PBRM1: variants seen among roughly 807,000 people sequenced by gnomAD.
PBRM1 encodes polybromo 1, also known as protein polybromo-1.
PBRM1 carries 27 observed loss-of-function variants against 194.5 expected under a neutral mutation model. The ratio of observed to expected loss-of-function variants is 0.14; its 90% CI spans 0.10 to 0.19. The LOEUF is 0.19. Ranked by LOEUF, PBRM1 falls within the 10% of genes least tolerant of loss-of-function variation. The pLI is 1.00. For synonymous variants in PBRM1, 655 were observed against 693.2 expected (o/e 0.94, Z 0.87); for missense variants, 1,466 against 2,077.2 (o/e 0.71, Z 5.72).
At chr3:52,683,629 C>A (rs2097253148), upstream of PBRM1, among the ~76,000 whole-genome samples, 1 of 151,912 alleles carries the variant, frequency 6.6e-6, no homozygotes, top group Non-Finnish European at 1.5e-5. Flanking sequence ...GCCTGGCCAA[C>A]ACGGTGAAAC....
At chr3:52,548,030 A>G in exon 30 of PBRM1, 6 of 1,578,754 alleles carry the variant, frequency 3.8e-6, no homozygotes, top group Non-Finnish European at 5.2e-6. Context: ...ACAACTCTTT[A>G]TGCTTCTATA....
intron 20 of PBRM1, among the ~76,000 whole-genome samples, chr3:52,579,833 A>G (rs1467138152): frequency 6.6e-6 from 1 of 152,218 alleles, no homozygotes; most frequent in African/African-American, 2.4e-5. Flanking sequence ...GAGAGGATTT[A>G]TCGGTATTTA....
downstream of PBRM1, chr3:52,547,661 T>G (rs1024958380): frequency 1.3e-5 from 3 of 233,364 alleles, no homozygotes; most frequent in African/African-American, 6.6e-5. Flanking sequence ...TGTGTGTGTG[T>G]TTTTTTTCAT....
intron 22 of PBRM1, among the ~76,000 whole-genome samples, chr3:52,572,092 G>A (rs1217851281): frequency 1.5e-4 from 22 of 143,960 alleles, no homozygotes; most frequent in African/African-American, 5.8e-4. Flanking sequence ...TAGTTTATCT[G>A]AATATCTCTT....
rs898374482 is a variant in PBRM1 at position 52,579,206 on chromosome 3, T to C, written c.3388-7A>G. On this transcript the variant is annotated splice_polypyrimidine_tract_variant and splice_region_variant and intron_variant, in intron 20 of 29. Transcript: ENST00000296302. ...CAGGGACATCTTCTTTTTCCTGTTG[T>C]AAAGAAAACTGGCTGAAGAAAGGTA... The C allele has an allele frequency of 1.2e-6, 2 of 1,612,862 alleles. No individual in the cohort carries two copies. Among genetic ancestry groups the C allele is most frequent in the African/African-American group, 2.7e-5 (2 of 74,890 alleles).
In PBRM1 at chr3:52,609,711, A is replaced by G. The variant is rs752004006; in HGVS notation, c.2169T>C (p.Ser723=). ...ACATCATGACAAAGTCCTCAACCAT[A>G]GAGTCAATATCTTGGTACTTGTTGG... The change falls in exon 16 of 30, where the codon TCT becomes TCC. Residue 723 remains serine, a synonymous_variant. Coordinates refer to ENST00000296302, the Ensembl canonical transcript of PBRM1. This position sits in a 1 kb window ranked among gnomAD's most constrained non-coding sequence, Gnocchi z 4.1. 9.3e-6 allele frequency: 15 copies of G among 1,612,554 alleles called. No individual in the cohort carries two copies.
chr3:52,647,623 C>G (rs1045264978), intron 7 of PBRM1, among the ~76,000 whole-genome samples: 2 of 151,476 alleles, frequency 1.3e-5, no homozygotes, highest in African/African-American at 2.4e-5. Flanking sequence ...GTGTATATCC[C>G]TATAGTAGAA....
chr3:52,586,095 C>CA, intron 20 of PBRM1: 1 of 179,022 alleles, frequency 5.6e-6, no homozygotes, highest in South Asian at 1.2e-4. Context: ...GCCACCACAC[C>CA]CAGCTAATTT....
At chr3:52,546,237 T>C, downstream of PBRM1, 1 of 233,006 alleles carries the variant, frequency 4.3e-6, no homozygotes, top group Non-Finnish European at 8.5e-6. Flanking sequence ...TTTCATGTTC[T>C]TTGGTGTAAT....
At chr3:52,678,394 C>T (rs757825847) in intron 2 of PBRM1, 106 bp downstream of exon 3, 5 of 688,942 alleles carry the variant, frequency 7.3e-6, no homozygotes, top group African/African-American at 3.6e-5. Context: ...ACCCCAGTAT[C>T]ATTTAAGCCA....
intron 17 of PBRM1, among the ~76,000 whole-genome samples, chr3:52,599,446 G>A (rs908076060): frequency 2.0e-5 from 3 of 152,018 alleles, no homozygotes; most frequent in Non-Finnish European, 4.4e-5. Flanking sequence ...CATATAGATG[G>A]TCAATAGGCA....
intron 11 of PBRM1, among the ~76,000 whole-genome samples, chr3:52,631,208 C>G (rs563005043): frequency 6.6e-6 from 1 of 151,992 alleles, no homozygotes; most frequent in East Asian, 1.9e-4. Flanking sequence ...TGGTGACTCA[C>G]GCCTGTAATC....
chr3:52,562,865 G>C (rs1352130459), intron 24 of PBRM1, among the ~76,000 whole-genome samples: 1 of 151,754 alleles, frequency 6.6e-6, no homozygotes, highest in Non-Finnish European at 1.5e-5. Flanking sequence ...TTCTGAATGA[G>C]AAAAAAATAC....
chr3:52,641,214 C>A (rs1341591426), intron 10 of PBRM1, among the ~76,000 whole-genome samples: 1 of 151,386 alleles, frequency 6.6e-6, no homozygotes, highest in African/African-American at 2.4e-5. Context: ...ATTCGGAGGC[C>A]GAGGCAGGTG....
chr3:52,679,733 G>A (rs1441456386), upstream of PBRM1: 2 of 1,609,650 alleles, frequency 1.2e-6, no homozygotes, highest in African/African-American at 1.3e-5. Context: ...TCTTCTATAA[G>A]AAATAATCAG....
At chr3:52,554,968 T>A (rs1285244196) in intron 26 of PBRM1, 89 bp from the exon 29 acceptor site, 7 of 990,754 alleles carry the variant, frequency 7.1e-6, no homozygotes, top group Non-Finnish European at 1.1e-5. Flanking sequence ...GCACTACCAA[T>A]GAATAAAGCA....
chr3:52,649,868 C>CTCT (rs1280357774), intron 6 of PBRM1, among the ~76,000 whole-genome samples: 4 of 152,128 alleles, frequency 2.6e-5, no homozygotes, highest in Admixed American at 2.6e-4. Flanking sequence ...CAAAAGGTGA[C>CTCT]TCTGAGACTT....
At chr3:52,596,798 G>A (rs979582552) in intron 17 of PBRM1, among the ~76,000 whole-genome samples, 1 of 152,106 alleles carries the variant, frequency 6.6e-6, no homozygotes, top group African/African-American at 2.4e-5. Flanking sequence ...CCCAGGGTTG[G>A]GGAGGGGTGG....
chr3:52,680,328 A>G (rs978100719), upstream of PBRM1, among the ~76,000 whole-genome samples: 1 of 152,216 alleles, frequency 6.6e-6, no homozygotes, highest in Non-Finnish European at 1.5e-5. Context: ...AATGTTCTCC[A>G]TTCATTAAAA....
Sources: gnomAD v4.1 joint callset for allele counts (sites outside exome capture counted in the v4.1 genomes callset) on GRCh38, gnomAD v4.1.1 for gene constraint, Gnocchi (gnomAD v3.1) non-coding constraint, MANE v1.5 for transcripts, NCBI Gene and HGNC (gene_info 2026-07-23, HGNC 2026-07-21) for gene names.